The following NOL4 variants were observed in gnomAD, a reference collection of about 807,000 sequenced individuals.
NOL4 encodes nucleolar protein 4, also known as cancer/testis antigen 125.
Under a neutral mutation model 75.9 loss-of-function variants are expected in NOL4, and 17 were observed. The observed-to-expected ratio is 0.22, with a 90% CI of 0.15 to 0.34. NOL4 has a LOEUF of 0.34. Among genes scored for constraint, NOL4 ranks in the 10% least tolerant of loss-of-function variants. The probability of loss-of-function intolerance (pLI) is 1.00; values close to 1 mark genes in which losing one functional copy is unlikely to be tolerated. For synonymous variants in NOL4, 292 were observed against 289.9 expected (o/e 1.01, Z -0.07); for missense variants, 614 against 793.5 (o/e 0.77, Z 2.72).
At chr18:34,114,960 T>C (rs1464158372) in intron 2 of NOL4, among the ~76,000 whole-genome samples, 2 of 152,020 alleles carry the variant, frequency 1.3e-5, no homozygotes, top group South Asian at 2.1e-4. Flanking sequence ...ACTTGAGTCA[T>C]GGGAAAGATT....
chr18:33,985,039 T>C (rs2072320420), intron 6 of NOL4, among the ~76,000 whole-genome samples: 1 of 151,964 alleles, frequency 6.6e-6, no homozygotes, highest in Non-Finnish European at 1.5e-5. Context: ...AACAGAATAA[T>C]AACAGTACCT....
chr18:33,939,437 T>G (rs1330252885), intron 9 of NOL4, among the ~76,000 whole-genome samples: 1 of 152,160 alleles, frequency 6.6e-6, no homozygotes, highest in Non-Finnish European at 1.5e-5. Context: ...TTTTGTGTCC[T>G]CTCCTATTTC....
At chr18:34,028,542 G>A (rs1210783134) in intron 5 of NOL4, among the ~76,000 whole-genome samples, 2 of 152,148 alleles carry the variant, frequency 1.3e-5, no homozygotes, top group African/African-American at 4.8e-5. Flanking sequence ...CTGACCAAAG[G>A]GCAATGAAAC....
At chr18:34,054,279 T>C (rs1392719713) in intron 5 of NOL4, among the ~76,000 whole-genome samples, 1 of 151,858 alleles carries the variant, frequency 6.6e-6, no homozygotes, top group Non-Finnish European at 1.5e-5. Context: ...TGTTGTTCTA[T>C]CCATTATTAA....
At chr18:34,132,463 GT>G (rs1273301102) in intron 1 of NOL4, among the ~76,000 whole-genome samples, 1 of 152,162 alleles carries the variant, frequency 6.6e-6, no homozygotes, top group Non-Finnish European at 1.5e-5. Context: ...GAAGTTCAGT[GT>G]TTGTCAGGAT....
chr18:34,062,055 G>A (rs1479474161), intron 5 of NOL4, among the ~76,000 whole-genome samples: 2 of 152,030 alleles, frequency 1.3e-5, no homozygotes, highest in Non-Finnish European at 2.9e-5. Flanking sequence ...TAAAAGTGAG[G>A]TAAAGATAAG....
chr18:33,977,661 A>C (rs2071608734), intron 6 of NOL4, among the ~76,000 whole-genome samples: 2 of 152,180 alleles, frequency 1.3e-5, no homozygotes, highest in African/African-American at 4.8e-5. Context: ...ATGTTATCGA[A>C]TACAAGGTTT....
At chr18:33,930,039 T>C (rs1473814978) in intron 9 of NOL4, among the ~76,000 whole-genome samples, 4 of 152,146 alleles carry the variant, frequency 2.6e-5, no homozygotes, top group Non-Finnish European at 5.9e-5. Context: ...AGGTCTAATA[T>C]TCTTTCATGT....
intron 1 of NOL4, among the ~76,000 whole-genome samples, chr18:34,145,104 T>G (rs1475084920): frequency 6.6e-6 from 1 of 152,138 alleles, no homozygotes; most frequent in Non-Finnish European, 1.5e-5. Context: ...ATTATACTAG[T>G]CAGATTGAAA....
intron 6 of NOL4, among the ~76,000 whole-genome samples, chr18:33,973,226 T>C (rs1166430765): frequency 2.0e-5 from 3 of 152,222 alleles, no homozygotes; most frequent in Admixed American, 2.0e-4. Context: ...CTTAAGAAAC[T>C]ACTTTCTTTG....
intron 6 of NOL4, among the ~76,000 whole-genome samples, chr18:33,977,015 T>A (rs996510512): frequency 1.3e-4 from 20 of 152,130 alleles, no homozygotes; most frequent in African/African-American, 4.1e-4. Context: ...TGTCTTATTT[T>A]AAAAATAACT....
At chr18:34,198,776 T>C (rs2035521879) in intron 1 of NOL4, among the ~76,000 whole-genome samples, 1 of 151,834 alleles carries the variant, frequency 6.6e-6, no homozygotes, top group Non-Finnish European at 1.5e-5. Context: ...TGTGACAAGC[T>C]TTCCACTATT....
chr18:34,109,189 A>G (rs369316310), intron 2 of NOL4, among the ~76,000 whole-genome samples: 29 of 152,194 alleles, frequency 1.9e-4, no homozygotes, highest in African/African-American at 7.0e-4. Context: ...CAGTTCAAAC[A>G]GGGAAGTGTA....
At chr18:34,177,283 T>C (rs1440861225) in intron 1 of NOL4, among the ~76,000 whole-genome samples, 1 of 151,902 alleles carries the variant, frequency 6.6e-6, no homozygotes, top group African/African-American at 2.4e-5. Context: ...AGATGGGTCA[T>C]GGAGAGGCAG....
chr18:34,149,442 G>A (rs1053947247), intron 1 of NOL4, among the ~76,000 whole-genome samples: 2 of 151,516 alleles, frequency 1.3e-5, no homozygotes, highest in African/African-American at 4.8e-5. Flanking sequence ...TGGCCACAAA[G>A]TAAGAATTTT....
At chr18:34,163,282 GA>G (rs1218366622) in intron 1 of NOL4, among the ~76,000 whole-genome samples, 4 of 151,894 alleles carry the variant, frequency 2.6e-5, no homozygotes, top group Non-Finnish European at 5.9e-5. Context: ...ATTCAATTAG[GA>G]AAAGAGGAAG....
At chr18:34,002,151 A>G (rs2073757399) in intron 6 of NOL4, among the ~76,000 whole-genome samples, 1 of 152,124 alleles carries the variant, frequency 6.6e-6, no homozygotes, top group South Asian at 2.1e-4. Flanking sequence ...TTTTAAAACT[A>G]AAATCTTATC....
At chr18:34,138,902 A>G (rs990623219) in intron 1 of NOL4, among the ~76,000 whole-genome samples, 3 of 152,212 alleles carry the variant, frequency 2.0e-5, no homozygotes, top group Middle Eastern at 3.4e-3. Context: ...GTTGAATTTT[A>G]TCAAAGGCCT....
At chr18:33,890,314 C>T (rs983754749) in intron 9 of NOL4, among the ~76,000 whole-genome samples, 2 of 152,086 alleles carry the variant, frequency 1.3e-5, no homozygotes, top group African/African-American at 4.8e-5. Context: ...ATCCAACTTA[C>T]AAGGGATGTG....
Sources: gnomAD v4.1 joint callset for allele counts (sites outside exome capture counted in the v4.1 genomes callset) on GRCh38, gnomAD v4.1.1 for gene constraint, MANE v1.5 for transcripts, NCBI Gene and HGNC (gene_info 2026-07-23, HGNC 2026-07-21) for gene names.